Variants in TNFAIP6 observed in about 807,000 individuals in gnomAD.
TNFAIP6 encodes the protein tumor necrosis factor-inducible gene 6 protein.
A neutral mutation model predicts 33.7 loss-of-function variants in TNFAIP6; 36 were observed. The ratio of observed to expected loss-of-function variants is 1.07; its 90% CI spans 0.82 to 1.41. The LOEUF (loss-of-function observed/expected upper bound fraction) is 1.41. Ranked by LOEUF, TNFAIP6 falls within the 40% of genes most tolerant of loss-of-function variation. The pLI is 0.00. For missense variants in TNFAIP6, 273 were observed against 331.9 expected (o/e 0.82, Z 1.38); for synonymous variants, 113 against 112.8 (o/e 1.00, Z -0.01).
chr2:151,378,590 G>A (rs1435601279), intron 5 of TNFAIP6, among the ~76,000 whole-genome samples: 1 of 151,586 alleles, frequency 6.6e-6, no homozygotes, highest in Non-Finnish European at 1.5e-5. Context: ...CCGGGTTCAA[G>A]GATTCTCCTG....
At chr2:151,376,878 T>G (rs1039686499) in intron 5 of TNFAIP6, among the ~76,000 whole-genome samples, 26 of 142,472 alleles carry the variant, frequency 1.8e-4, no homozygotes, top group South Asian at 1.1e-3. Context: ...TTTTTTTTTT[T>G]TTTTTTTGTT....
rs1684976920 is a variant in TNFAIP6 at position 151,379,449 on chromosome 2, A to G, written c.750A>G (p.Val250=). The change falls in exon 6 of 6, where the codon GTA becomes GTG. Residue 250 remains valine, a synonymous_variant. Transcript: ENST00000243347. ...FQIKYVAMDP[V]SKSSQGKNTS... ...TCAAATATGTTGCAATGGATCCTGT[A>G]TCCAAATCCAGTCAAGGAAAAAATA... is the stretch of plus-strand genomic sequence containing the variant. The G allele has an allele frequency of 6.2e-7, 1 of 1,608,052 alleles. No individual in the cohort carries two copies. The highest frequency in any genetic ancestry group is 8.5e-7 in the Non-Finnish European group (1 of 1,177,658).
intron 1 of TNFAIP6, among the ~76,000 whole-genome samples, chr2:151,363,054 G>C (rs1234552026): frequency 6.6e-6 from 1 of 152,118 alleles, no homozygotes; most frequent in Non-Finnish European, 1.5e-5. Context: ...GGAGTCTCAC[G>C]TCTGTAATCC....
rs747749428 is a variant in TNFAIP6, at chr2:151,366,045, T to C, written c.233-11T>C. 1 of 1,613,884 alleles carries C rather than the reference T, an allele frequency of 6.2e-7. No individual in the cohort carries two copies. Among genetic ancestry groups the C allele is most frequent in the South Asian group, 1.1e-5 (1 of 91,068 alleles). ...TACCTGTTTAGTCCATAACTCTTTT[T>C]CTTCTTGCAGGATTTCATGTCTGTG... is the stretch of plus-strand genomic sequence containing the variant. On this transcript the variant is annotated splice_polypyrimidine_tract_variant and intron_variant, in intron 2 of 5. Coordinates refer to ENST00000243347, the MANE Select transcript of TNFAIP6 (RefSeq NM_007115.4).
intron 4 of TNFAIP6, 110 bp downstream of exon 4, chr2:151,370,358 A>G (rs1684795722): frequency 1.2e-6 from 1 of 800,366 alleles, no homozygotes; most frequent in African/African-American, 1.7e-5. Context: ...GAATAGTTCT[A>G]CTCTCCTAAA....
intron 1 of TNFAIP6, among the ~76,000 whole-genome samples, chr2:151,362,782 G>T (rs1352372949): frequency 6.6e-6 from 1 of 152,018 alleles, no homozygotes; most frequent in African/African-American, 2.4e-5. Context: ...GAGCCACCAC[G>T]CCCGGCCTAA....
chr2:151,363,045 G>GAGTCTC (rs1225707204), intron 1 of TNFAIP6, among the ~76,000 whole-genome samples: 2 of 152,184 alleles, frequency 1.3e-5, no homozygotes, highest in Non-Finnish European at 2.9e-5. Context: ...GCCGGACACG[G>GAGTCTC]AGTCTCACGT....
chr2:151,369,230 A>T (rs975084619), intron 3 of TNFAIP6, among the ~76,000 whole-genome samples: 1 of 152,132 alleles, frequency 6.6e-6, no homozygotes, highest in African/African-American at 2.4e-5. Context: ...TGCACAAAAG[A>T]CTTGTTATGT....
Position 151,379,596 on chromosome 2 carries a change from G to A in TNFAIP6, c.*63G>A. ...TGTTGGAATCTTTTGGAACTCCTTT[G>A]ATCTCACTGTTATTATTAACATTTA... On this transcript the variant is annotated 3_prime_UTR_variant, in exon 6 of 6. Coordinates refer to ENST00000243347, the MANE Select transcript of TNFAIP6 (RefSeq NM_007115.4). 1 of 1,150,652 alleles carries A rather than the reference G, an allele frequency of 8.7e-7. No individual in the cohort carries two copies. Among genetic ancestry groups the A allele is most frequent in the Non-Finnish European group, 1.2e-6 (1 of 850,308 alleles). The allele number at this position is 1,150,652 out of a possible 1,614,324, so 71.3% of individuals were successfully genotyped here. A position where few individuals can be genotyped will look rare whatever the true frequency, so the allele number is the denominator to read the frequency against.
Position 151,357,777 on chromosome 2 carries a change from A to T in TNFAIP6, c.94+17A>T, listed in dbSNP as rs1573776162. 3.4e-6 allele frequency: 5 copies of T among 1,461,290 alleles called. No homozygotes were observed. In the East Asian group the frequency reaches 1.1e-4, roughly 33 times the overall value. The allele number at this position is 1,461,290 out of a possible 1,614,324, so 90.5% of individuals were successfully genotyped here. A position where few individuals can be genotyped will look rare whatever the true frequency, so the allele number is the denominator to read the frequency against. ...TATGGCTTGGTAAGAACCTTCACTC[A>T]TGAGCCTCTTGTTGAGAATGTCAAT... On this transcript the variant is annotated intron_variant, in intron 1 of 5. Transcript: ENST00000243347.
intron 1 of TNFAIP6, among the ~76,000 whole-genome samples, chr2:151,360,466 TCA>T (rs1684609123): frequency 6.6e-6 from 1 of 152,160 alleles, no homozygotes; most frequent in Non-Finnish European, 1.5e-5. Flanking sequence ...CTGCCGCCAC[TCA>T]CTAAAAGGAG....
At chr2:151,373,784 G>C (rs1173661390) in intron 5 of TNFAIP6, 195 bp downstream of exon 5, 2 of 331,646 alleles carry the variant, frequency 6.0e-6, no homozygotes, top group Non-Finnish European at 1.1e-5. Context: ...CCAACTGCTT[G>C]CACTAAAAAA....
intron 3 of TNFAIP6, among the ~76,000 whole-genome samples, chr2:151,367,625 G>T (rs1684735080): frequency 6.6e-6 from 1 of 152,068 alleles, no homozygotes; most frequent in Non-Finnish European, 1.5e-5. Flanking sequence ...CCTTTCATAA[G>T]AATATAATCC....
chr2:151,375,798 G>C (rs115718756), intron 5 of TNFAIP6, among the ~76,000 whole-genome samples: 9 of 152,206 alleles, frequency 5.9e-5, no homozygotes, highest in African/African-American at 2.2e-4. Context: ...CCAGGGTATA[G>C]ATTACAAAAC....
At chr2:151,377,178 C>CTTTTT (rs1553467612) in intron 5 of TNFAIP6, among the ~76,000 whole-genome samples, 19 of 142,168 alleles carry the variant, frequency 1.3e-4, no homozygotes, top group African/African-American at 1.9e-4. Context: ...CTTTTCTTTT[C>CTTTTT]TTTTTTTTTG....
intron 3 of TNFAIP6, among the ~76,000 whole-genome samples, chr2:151,369,631 A>G (rs1351122436): frequency 6.6e-6 from 1 of 152,006 alleles, no homozygotes; most frequent in Non-Finnish European, 1.5e-5. Flanking sequence ...AAAAATTACC[A>G]GGGCTGGGTG....
At chr2:151,358,155 T>C (rs1164909749) in intron 1 of TNFAIP6, among the ~76,000 whole-genome samples, 2 of 152,202 alleles carry the variant, frequency 1.3e-5, no homozygotes, top group African/African-American at 2.4e-5. Context: ...AACAGGTAAA[T>C]TGGAGTCTAC....
intron 4 of TNFAIP6, among the ~76,000 whole-genome samples, chr2:151,373,272 G>A (rs1164677326): frequency 6.6e-6 from 1 of 152,010 alleles, no homozygotes; most frequent in Non-Finnish European, 1.5e-5. Context: ...CCGAGACTGC[G>A]CCACTGCACT....
chr2:151,363,239 C>T (rs969415028), intron 1 of TNFAIP6, among the ~76,000 whole-genome samples: 3 of 151,990 alleles, frequency 2.0e-5, no homozygotes, highest in African/African-American at 7.2e-5. Flanking sequence ...TCGCTTGAAC[C>T]CAGGAGGCGG....
Sources: allele counts gnomAD v4.1 joint callset (sites outside exome capture counted in the v4.1 genomes callset), GRCh38; gene constraint gnomAD v4.1.1; transcripts MANE v1.5; gene names NCBI Gene and HGNC (gene_info 2026-07-23, HGNC 2026-07-21).